DPP10: variants seen among roughly 807,000 people sequenced by gnomAD.
DPP10 encodes the protein dipeptidyl peptidase like 10.
In DPP10, 33 loss-of-function variants were observed where a neutral mutation model predicts 120.9. The ratio of observed to expected loss-of-function variants is 0.27; its 90% CI spans 0.21 to 0.37. The LOEUF is 0.37. DPP10 is among the 10% of genes least tolerant of loss of function. The pLI, the probability that DPP10 is intolerant of heterozygous loss-of-function variation, is 1.00. For synonymous variants in DPP10, 337 were observed against 326.1 expected (o/e 1.03, Z -0.36); for missense variants, 816 against 942.8 (o/e 0.87, Z 1.76).
intron 21 of DPP10, among the ~76,000 whole-genome samples, chr2:115,818,419 A>G (rs1374108200): frequency 6.6e-6 from 1 of 152,234 alleles, no homozygotes; most frequent in East Asian, 1.9e-4. Flanking sequence ...ATGTATTTCA[A>G]TGCTCTGCTT....
At chr2:115,381,341 G>A (rs1365176868) in intron 3 of DPP10, among the ~76,000 whole-genome samples, 7 of 151,838 alleles carry the variant, frequency 4.6e-5, no homozygotes, top group African/African-American at 7.3e-5. Flanking sequence ...CCAGTTGATC[G>A]CGTCGGCTCC....
At chr2:115,084,499 G>T (rs962720674) in intron 1 of DPP10, among the ~76,000 whole-genome samples, 1 of 152,206 alleles carries the variant, frequency 6.6e-6, no homozygotes, top group Admixed American at 6.5e-5. Context: ...GTTCTTTCCA[G>T]TTCTGCCTGG....
intron 1 of DPP10, among the ~76,000 whole-genome samples, chr2:114,564,847 C>T (rs1369907916): frequency 6.6e-6 from 1 of 152,070 alleles, no homozygotes; most frequent in South Asian, 2.1e-4. Context: ...GGCTGTGGTG[C>T]ACTGTTTGTT....
intron 1 of DPP10, among the ~76,000 whole-genome samples, chr2:114,960,915 A>G (rs557517733): frequency 6.6e-6 from 1 of 152,170 alleles, no homozygotes; most frequent in Non-Finnish European, 1.5e-5. Context: ...TTGATATTCT[A>G]TGAAAAATAG....
intron 1 of DPP10, among the ~76,000 whole-genome samples, chr2:115,171,277 C>T (rs2053303721): frequency 6.7e-6 from 1 of 150,170 alleles, no homozygotes; most frequent in African/African-American, 2.5e-5. Flanking sequence ...TGGAGAATTG[C>T]TTGAACCCAG....
chr2:114,741,414 A>C (rs372198561), intron 1 of DPP10, among the ~76,000 whole-genome samples: 1 of 152,140 alleles, frequency 6.6e-6, no homozygotes, highest in Non-Finnish European at 1.5e-5. Context: ...TCAAGGAGAA[A>C]GGAGGTGTTG....
At chr2:114,452,420 GTGCA>G (rs1356683887) in intron 1 of DPP10, among the ~76,000 whole-genome samples, 1 of 152,130 alleles carries the variant, frequency 6.6e-6, no homozygotes, top group African/African-American at 2.4e-5. Flanking sequence ...AAAAATTAAA[GTGCA>G]TTTGATGTGC....
At chr2:114,561,027 A>G (rs774800077) in intron 1 of DPP10, among the ~76,000 whole-genome samples, 4 of 152,148 alleles carry the variant, frequency 2.6e-5, no homozygotes, top group Non-Finnish European at 5.9e-5. Flanking sequence ...AATCCTAAGG[A>G]AGCTCTGAGG....
chr2:114,641,504 A>C (rs1695703303), intron 1 of DPP10, among the ~76,000 whole-genome samples: 1 of 151,996 alleles, frequency 6.6e-6, no homozygotes, highest in African/African-American at 2.4e-5. Context: ...TGCCAAAGTG[A>C]GCACTGCCTT....
chr2:114,977,340 G>A (rs1247891840), intron 1 of DPP10, among the ~76,000 whole-genome samples: 2 of 151,910 alleles, frequency 1.3e-5, no homozygotes, highest in African/African-American at 4.8e-5. Flanking sequence ...TATTTACTTT[G>A]TTATAATGTA....
chr2:115,652,520 G>A (rs72950103), intron 5 of DPP10, among the ~76,000 whole-genome samples: 11,402 of 151,276 alleles, frequency 0.075, 1,452 homozygotes, highest in African/African-American at 0.26. Flanking sequence ...ATTAGCATAT[G>A]AAGTTATAGA....
At chr2:114,767,556 A>G (rs551582200) in intron 1 of DPP10, among the ~76,000 whole-genome samples, 1 of 152,276 alleles carries the variant, frequency 6.6e-6, no homozygotes, top group South Asian at 2.1e-4. Context: ...AAATACTAAA[A>G]GCATTCAGAG....
chr2:114,551,412 T>C (rs188984646), intron 1 of DPP10, among the ~76,000 whole-genome samples: 46 of 152,310 alleles, frequency 3.0e-4, no homozygotes, highest in African/African-American at 1.1e-3. Flanking sequence ...CTTTACCATA[T>C]TTACAACTCT....
intron 5 of DPP10, among the ~76,000 whole-genome samples, chr2:115,561,331 C>T (rs2080652096): frequency 7.5e-6 from 1 of 132,596 alleles, no homozygotes; most frequent in South Asian, 2.3e-4. Flanking sequence ...TGCACTCCAG[C>T]CTGGGTGGCA....
chr2:114,480,162 T>A (rs1020868910), intron 1 of DPP10, among the ~76,000 whole-genome samples: 2 of 151,752 alleles, frequency 1.3e-5, no homozygotes, highest in African/African-American at 2.4e-5. Flanking sequence ...TGAGATACCA[T>A]CTCACACCAG....
chr2:115,299,465 GCTGT>G (rs1485991577), intron 1 of DPP10, among the ~76,000 whole-genome samples: 3 of 152,006 alleles, frequency 2.0e-5, no homozygotes, highest in African/African-American at 4.8e-5. Flanking sequence ...GGAAGAATTG[GCTGT>G]CTAACTTGGC....
chr2:114,620,225 T>C (rs1225783292), intron 1 of DPP10, among the ~76,000 whole-genome samples: 1 of 151,974 alleles, frequency 6.6e-6, no homozygotes, highest in Non-Finnish European at 1.5e-5. Context: ...GGCATATATG[T>C]TACAAAAAAA....
chr2:115,352,459 C>A lies in DPP10; in HGVS notation c.271+8547C>A, dbSNP rs547625582. On this transcript the variant is annotated intron_variant, in intron 3 of 25. Transcript: ENST00000410059. ...ATTCTATACAATTGTTGGTCTTGGC[C>A]TTGATGGCCCAGGAAATCTGTTTGT... Among the ~76,000 whole-genome samples, 4 of 152,214 alleles carry A rather than the reference C, an allele frequency of 2.6e-5. No individual in the cohort carries two copies. In the East Asian group the frequency reaches 7.7e-4, roughly 29 times the overall value.
At chr2:114,773,072 T>C (rs569061113) in intron 1 of DPP10, among the ~76,000 whole-genome samples, 2 of 152,330 alleles carry the variant, frequency 1.3e-5, no homozygotes, top group South Asian at 4.1e-4. Context: ...TCATAAGGTC[T>C]AGTAATGATT....
Sources: allele counts gnomAD v4.1 joint callset (sites outside exome capture counted in the v4.1 genomes callset), GRCh38; gene constraint gnomAD v4.1.1; transcripts MANE v1.5; gene names NCBI Gene and HGNC (gene_info 2026-07-23, HGNC 2026-07-21).